PIP5K1B: variants seen among roughly 807,000 people sequenced by gnomAD.
PIP5K1B encodes the protein phosphatidylinositol-4-phosphate 5-kinase type 1 beta.
Under a neutral mutation model 67.0 loss-of-function variants are expected in PIP5K1B, and 42 were observed. That is an observed-to-expected ratio of 0.63 (90% CI 0.49 to 0.81). PIP5K1B has a LOEUF of 0.81. PIP5K1B is among the 30% of genes least tolerant of loss of function. The pLI is 0.00. For missense variants in PIP5K1B, 459 were observed against 646.3 expected (o/e 0.71, Z 3.14); for synonymous variants, 214 against 231.4 (o/e 0.92, Z 0.68).
intron 2 of PIP5K1B, among the ~76,000 whole-genome samples, chr9:68,768,841 T>C (rs1830553343): frequency 6.6e-6 from 1 of 152,214 alleles, no homozygotes; most frequent in African/African-American, 2.4e-5. Context: ...ATTCTCTCAG[T>C]ACTGTCACCC....
At chr9:68,975,544 C>T (rs1020837670) in intron 14 of PIP5K1B, among the ~76,000 whole-genome samples, 7 of 152,178 alleles carry the variant, frequency 4.6e-5, no homozygotes, top group Admixed American at 1.3e-4. Flanking sequence ...GTCAGTGAGT[C>T]AGCCTATTTG....
At chr9:68,905,114 C>T (rs1825543062) in intron 8 of PIP5K1B, among the ~76,000 whole-genome samples, 1 of 151,874 alleles carries the variant, frequency 6.6e-6, no homozygotes, top group South Asian at 2.1e-4. Context: ...GATTAGATGA[C>T]CCTAAGTGTA....
intron 13 of PIP5K1B, among the ~76,000 whole-genome samples, chr9:68,940,346 T>C (rs1827496408): frequency 6.6e-6 from 1 of 152,238 alleles, no homozygotes; most frequent in South Asian, 2.1e-4. Flanking sequence ...CCTATGAGTT[T>C]TTTTATGCCA....
chr9:68,950,984 G>A (rs1029634214), intron 14 of PIP5K1B, among the ~76,000 whole-genome samples: 2 of 152,190 alleles, frequency 1.3e-5, no homozygotes, highest in African/African-American at 4.8e-5. Context: ...CAGACCAAAC[G>A]CCTCTACCAC....
intron 3 of PIP5K1B, among the ~76,000 whole-genome samples, chr9:68,821,320 A>G (rs1452427218): frequency 6.6e-6 from 1 of 152,238 alleles, no homozygotes; most frequent in Non-Finnish European, 1.5e-5. Context: ...GCAAGCAATT[A>G]ATGACCTTAA....
At chr9:68,992,907 C>T (rs1830443563) in intron 15 of PIP5K1B, among the ~76,000 whole-genome samples, 1 of 146,612 alleles carries the variant, frequency 6.8e-6, no homozygotes, top group South Asian at 2.2e-4. Context: ...GCCTGTAATC[C>T]CAGCACTTTG....
At chr9:69,001,279 G>A (rs1830814267) in intron 15 of PIP5K1B, among the ~76,000 whole-genome samples, 1 of 152,032 alleles carries the variant, frequency 6.6e-6, no homozygotes, top group Non-Finnish European at 1.5e-5. Context: ...TCCTGTGGGT[G>A]AGAGAGAAGC....
chr9:68,714,300 C>T (rs1290615219), intron 1 of PIP5K1B, among the ~76,000 whole-genome samples: 4 of 152,194 alleles, frequency 2.6e-5, no homozygotes, highest in Non-Finnish European at 4.4e-5. Flanking sequence ...CCAAGTAGCA[C>T]GATCAGAAAC....
intron 8 of PIP5K1B, among the ~76,000 whole-genome samples, chr9:68,915,496 A>G (rs923986088): frequency 1.7e-4 from 26 of 152,166 alleles, no homozygotes; most frequent in African/African-American, 6.0e-4. Context: ...TCTTTCTCCC[A>G]TGGTCTGTGC....
At chr9:69,003,530 C>T (rs1174102035) in intron 15 of PIP5K1B, among the ~76,000 whole-genome samples, 1 of 151,834 alleles carries the variant, frequency 6.6e-6, no homozygotes, top group African/African-American at 2.4e-5. Flanking sequence ...ATGGAGACCT[C>T]ACAGGACTTG....
At chr9:68,965,899 A>C (rs1184259881) in intron 14 of PIP5K1B, among the ~76,000 whole-genome samples, 1 of 149,840 alleles carries the variant, frequency 6.7e-6, no homozygotes, top group Non-Finnish European at 1.5e-5. Flanking sequence ...GCTTGAACCC[A>C]GGAGGCGGAA....
chr9:68,984,060 A>C (rs750788791), intron 14 of PIP5K1B, among the ~76,000 whole-genome samples: 1 of 152,176 alleles, frequency 6.6e-6, no homozygotes, highest in Non-Finnish European at 1.5e-5. Context: ...GTCTCTAAAA[A>C]ATACAAATTA....
intron 14 of PIP5K1B, chr9:68,963,955 T>C (rs953716635): frequency 6.6e-6 from 1 of 152,202 alleles, no homozygotes; most frequent in Admixed American, 6.5e-5. Flanking sequence ...TGAATAAATA[T>C]ATATCTCCTA....
chr9:68,919,661 A>G lies in PIP5K1B; in HGVS notation c.1068-20A>G, dbSNP rs375442217. 9.3e-6 allele frequency: 14 copies of G among 1,497,694 alleles called. No homozygotes were observed. The highest frequency in any genetic ancestry group is 1.4e-5 in the African/African-American group (1 of 72,384). 92.8% of individuals were successfully genotyped at this position (1,497,694 alleles called of 1,614,324 possible). A position where few individuals can be genotyped will look rare whatever the true frequency, so the allele number is the denominator to read the frequency against. ...AGAGTGATTTTACATTCTCATTTCA[A>G]TTTTTCCATTTATATTTAGGTTAAT... On this transcript the variant is annotated intron_variant, in intron 10 of 15. Transcript: ENST00000265382.
intron 4 of PIP5K1B, among the ~76,000 whole-genome samples, chr9:68,860,185 T>A (rs1039184554): frequency 1.3e-5 from 2 of 152,186 alleles, no homozygotes; most frequent in African/African-American, 4.8e-5. Context: ...TGGACCAATA[T>A]CTCCCCAAGC....
intron 2 of PIP5K1B, among the ~76,000 whole-genome samples, chr9:68,762,589 T>C (rs184638297): frequency 1.3e-5 from 2 of 152,126 alleles, no homozygotes; most frequent in African/African-American, 2.4e-5. Context: ...GAAGCTGATA[T>C]AGAAGAGATA....
At chr9:68,779,889 G>T (rs1831131559) in intron 2 of PIP5K1B, 1 of 431,234 alleles carries the variant, frequency 2.3e-6, no homozygotes, top group Non-Finnish European at 4.0e-6. Flanking sequence ...GTCAACGCGA[G>T]CTTGCGCTCA....
chr9:68,895,265 T>TAAA (rs11342436), intron 8 of PIP5K1B, among the ~76,000 whole-genome samples: 10 of 121,094 alleles, frequency 8.3e-5, no homozygotes, highest in African/African-American at 1.6e-4. Flanking sequence ...TGCAATGCTT[T>TAAA]AAAAAAAAAA....
chr9:68,787,971 G>C (rs1831724795), intron 2 of PIP5K1B, among the ~76,000 whole-genome samples: 1 of 152,190 alleles, frequency 6.6e-6, no homozygotes. Context: ...CAACAAAGAA[G>C]TCTTTCGTCA....
Sources: allele counts gnomAD v4.1 joint callset (sites outside exome capture counted in the v4.1 genomes callset), GRCh38; gene constraint gnomAD v4.1.1; transcripts MANE v1.5; gene names NCBI Gene and HGNC (gene_info 2026-07-23, HGNC 2026-07-21).